MUC15: variants seen among roughly 807,000 people sequenced by gnomAD.
MUC15 encodes the protein mucin-15.
MUC15 carries 23 observed loss-of-function variants against 24.0 expected under a neutral mutation model. The ratio of observed to expected loss-of-function variants is 0.96; its 90% CI spans 0.69 to 1.36. The LOEUF (loss-of-function observed/expected upper bound fraction) is 1.36, where lower values mean the gene tolerates loss of function less well. Ranked by LOEUF, MUC15 falls within the 40% of genes most tolerant of loss-of-function variation. MUC15 has a pLI of 0.00. For synonymous variants in MUC15, 151 were observed against 156.3 expected (o/e 0.97, Z 0.25); for missense variants, 442 against 428.2 (o/e 1.03, Z -0.29).
At position 26,563,108 on chromosome 11, in the gene MUC15, G is replaced by A. The variant is rs761242540; in HGVS notation, c.925+8C>T. On this transcript the variant is annotated splice_region_variant and intron_variant, in intron 4 of 4. Coordinates refer to ENST00000529533, the MANE Select transcript of MUC15 (RefSeq NM_001135091.2). ...GTGCCCAGGTGAAGTATTGAAAATAGATTTTACCTGGTTCATTTCTGTCGT... is the reference window on the plus strand; with the variant it reads ...GTGCCCAGGTGAAGTATTGAAAATAAATTTTACCTGGTTCATTTCTGTCGT... 6.5e-5 allele frequency: 104 copies of A among 1,610,796 alleles called. No homozygotes were observed. Among genetic ancestry groups the A allele is most frequent in the Non-Finnish European group, 8.5e-5 (100 of 1,178,250 alleles).
Position 26,563,393 on chromosome 11 carries a change from C to G in MUC15, c.776-128G>C, listed in dbSNP as rs557554770. 413 of 825,644 alleles carry G rather than the reference C, an allele frequency of 5.0e-4. No homozygotes were observed. The African/African-American group carries it at 8.7e-3, about 17-fold the overall frequency. The allele number at this position is 825,644 out of a possible 1,614,324, so 51.1% of individuals were successfully genotyped here. A position where few individuals can be genotyped will look rare whatever the true frequency, so the allele number is the denominator to read the frequency against. ...AAATTAGATAATGGTGTGTTTCTCT[C>G]TCTGTGTGTGTGTGTGTGTGTGTGT... On this transcript the variant is annotated intron_variant, in intron 3 of 4. Transcript: ENST00000529533.
chr11:26,565,033 A>C, intron 3 of MUC15, 132 bp downstream of exon 3: 1 of 911,980 alleles, frequency 1.1e-6, no homozygotes, highest in Non-Finnish European at 1.5e-6. Context: ...ATCATCCCTC[A>C]AAAGTGAGAA....
At position 26,559,865 on chromosome 11, in the gene MUC15, CACACACA is replaced by C. The variant is rs1850217143; in HGVS notation, c.*1193_*1199del. ...ACACACACACACACACACACACACA[CACACACA>C]CACCATGAATCAATTCAAAAATAAA... is the stretch of plus-strand genomic sequence containing the variant. On this transcript the variant is annotated 3_prime_UTR_variant, in exon 5 of 5. Coordinates refer to ENST00000529533, the MANE Select transcript of MUC15 (RefSeq NM_001135091.2). 13 of 904,584 alleles carry C rather than the reference CACACACA, an allele frequency of 1.4e-5. No homozygotes were observed. The highest frequency in any genetic ancestry group is 3.3e-4 in the Middle Eastern group (1 of 3,014). 56.0% of individuals were successfully genotyped at this position (904,584 alleles called of 1,614,324 possible). A position where few individuals can be genotyped will look rare whatever the true frequency, so the allele number is the denominator to read the frequency against.
At chr11:26,567,267 T>G in intron 1 of MUC15, 128 bp from the exon 2 acceptor site, 1 of 520,786 alleles carries the variant, frequency 1.9e-6, no homozygotes, top group Non-Finnish European at 3.1e-6. Flanking sequence ...CCTCAAGCAA[T>G]AAAATCTGAG....
intron 1 of MUC15, among the ~76,000 whole-genome samples, chr11:26,568,399 T>C (rs1470154178): frequency 6.6e-6 from 1 of 151,910 alleles, no homozygotes; most frequent in Non-Finnish European, 1.5e-5. Flanking sequence ...TCAGTATTCA[T>C]GTTTGTAACA....
intron 3 of MUC15, among the ~76,000 whole-genome samples, chr11:26,564,145 A>G (rs986553173): frequency 1.3e-5 from 2 of 151,816 alleles, no homozygotes; most frequent in Non-Finnish European, 2.9e-5. Context: ...AGCAATGGTA[A>G]GAGTAAGTAC....
At chr11:26,563,347 C>A in intron 3 of MUC15, 82 bp from the exon 4 acceptor site, 2 of 1,345,634 alleles carry the variant, frequency 1.5e-6, no homozygotes, top group Non-Finnish European at 2.0e-6. Flanking sequence ...TTCCATATAA[C>A]AAAGAATGTT....
At chr11:26,563,041 C>A in intron 4 of MUC15, 75 bp downstream of exon 4, 1 of 1,549,756 alleles carries the variant, frequency 6.5e-7, no homozygotes, top group South Asian at 1.3e-5. Flanking sequence ...ACCTTCTAGG[C>A]AATGCAGTGA....
At chr11:26,564,692 TACACAC>T (rs370277580) in intron 3 of MUC15, among the ~76,000 whole-genome samples, 544 of 41,034 alleles carry the variant, frequency 0.013, 37 homozygotes, top group African/African-American at 0.028. Context: ...CTCATATATA[TACACAC>T]ACACACACAC....
chr11:26,563,058 G>A (rs1373264729), intron 4 of MUC15, 58 bp downstream of exon 4: 4 of 1,580,702 alleles, frequency 2.5e-6, no homozygotes, highest in Non-Finnish European at 3.4e-6. Context: ...GTGAACATTG[G>A]CATCCTCATT....
chr11:26,564,726 C>T (rs1266453621), intron 3 of MUC15, among the ~76,000 whole-genome samples: 19 of 49,312 alleles, frequency 3.9e-4, no homozygotes, highest in Admixed American at 5.7e-4. Flanking sequence ...CACACACACA[C>T]ACACACATAT....
chr11:26,565,423 A>G lies in MUC15; in HGVS notation c.517T>C (p.Ser173Pro). The change falls in exon 3 of 5, where the codon TCA (serine) becomes CCA (proline). Residue 173 changes from serine (S) to proline (P), a missense_variant. Physicochemically the swap from Ser to Pro is moderately conservative, Grantham distance 74. Coordinates refer to ENST00000529533, the MANE Select transcript of MUC15 (RefSeq NM_001135091.2). ...ACCAAAGACCAAGTGAAGTTTTCTG[A>G]AGACAGAGCAGGTGTAGCATTGGGA... is the stretch of plus-strand genomic sequence containing the variant. The part of the protein sequence containing the change: ...AHPNATPALS[S>P]ENFTWSLVND... 6.2e-7 allele frequency: 1 copy of G among 1,613,440 alleles called. No homozygotes were observed. Among genetic ancestry groups the G allele is most frequent in the Non-Finnish European group, 8.5e-7 (1 of 1,179,534 alleles).
rs1219725847 is a variant in MUC15 at position 26,565,467 on chromosome 11, A to C, written c.473T>G (p.Leu158Arg). 7 of 1,613,340 alleles carry C rather than the reference A, an allele frequency of 4.3e-6. No individual in the cohort carries two copies. Among genetic ancestry groups the C allele is most frequent in the Non-Finnish European group, 5.9e-6 (7 of 1,179,588 alleles). The change falls in exon 3 of 5, where the codon CTT (leucine) becomes CGT (arginine). Residue 158 changes from leucine to arginine, a missense_variant. Transcript: ENST00000529533. ...PWNAPIADEDLLPISAHPNAT... is the reference protein window; with the variant it reads ...PWNAPIADEDRLPISAHPNAT... ...ATTGGGATGTGCTGAGATGGGCAAA[A>C]GATCTTCATCTGCTATAGGTGCATT...
At chr11:26,564,388 A>G (rs1487081361) in intron 3 of MUC15, among the ~76,000 whole-genome samples, 2 of 151,572 alleles carry the variant, frequency 1.3e-5, no homozygotes, top group East Asian at 1.9e-4. Context: ...ATAATCCTTA[A>G]GTAAACCACA....
intron 1 of MUC15, 109 bp from the exon 2 acceptor site, chr11:26,567,248 C>CT (rs150988105): frequency 0.041 from 25,485 of 628,716 alleles, 625 homozygotes; most frequent in South Asian, 0.077. Flanking sequence ...AAAAAATAGA[C>CT]TTTTTTTTCC....
At chr11:26,567,222 T>A in intron 1 of MUC15, 83 bp from the exon 2 acceptor site, 1 of 860,846 alleles carries the variant, frequency 1.2e-6, no homozygotes, top group Non-Finnish European at 1.6e-6. Context: ...GTGCTTTTAA[T>A]GGAAAATTTA....
intron 3 of MUC15, among the ~76,000 whole-genome samples, chr11:26,564,720 CACACACACACACATATATATATAT>C (rs1488770193): frequency 2.4e-3 from 180 of 75,474 alleles, no homozygotes; most frequent in Non-Finnish European, 4.0e-3. Context: ...CACACACACA[CACACACACACACATATATATATAT>C]ATATATATAT....
At position 26,563,204 on chromosome 11, in the gene MUC15, C is replaced by T. The variant is rs1195899269; in HGVS notation, c.837G>A (p.Leu279=). The change falls in exon 4 of 5, where the codon TTG becomes TTA. Residue 279 remains leucine (L), a synonymous_variant. Coordinates refer to ENST00000529533, the MANE Select transcript of MUC15 (RefSeq NM_001135091.2). Reference sequence around the variant, plus strand: ...ACAACAAGTAGCCCACAAGAGTAAGCAATGAGACACCCAGAATAGCACCTA... The same window carrying T: ...ACAACAAGTAGCCCACAAGAGTAAGTAATGAGACACCCAGAATAGCACCTA... ...AILGAILGVS[L]LTLVGYLLCG... The T allele has an allele frequency of 6.2e-7, 1 of 1,612,162 alleles. No homozygotes were observed.
In MUC15 at chr11:26,565,205, A is replaced by G. The variant is rs552934625; in HGVS notation, c.735T>C (p.Asn245=). The G allele has an allele frequency of 5.3e-6, 8 of 1,508,924 alleles. No individual in the cohort carries two copies. Among genetic ancestry groups the G allele is most frequent in the Non-Finnish European group, 7.1e-6 (8 of 1,128,492 alleles). 93.5% of individuals were successfully genotyped at this position (1,508,924 alleles called of 1,614,324 possible). Residue 245 remains asparagine, a synonymous_variant, in exon 3 of 5, where the codon AAT becomes AAC. Transcript: ENST00000529533. ...ACGTATTTGGAAAGAGTTTTGAATT[A>G]TTGGTGAATTTTAAGGTAGGCTGTA... ...TTLQPTLKFT[N]NSKLFPNTSD...
Sources: allele counts gnomAD v4.1 joint callset (sites outside exome capture counted in the v4.1 genomes callset), GRCh38; gene constraint gnomAD v4.1.1; transcripts MANE v1.5; gene names NCBI Gene and HGNC (gene_info 2026-07-23, HGNC 2026-07-21).